CAMK2D: variants seen among roughly 807,000 people sequenced by gnomAD.
CAMK2D encodes calcium/calmodulin dependent protein kinase II delta.
CAMK2D carries 37 observed loss-of-function variants against 84.0 expected under a neutral mutation model. The observed-to-expected ratio is 0.44, with a 90% CI of 0.34 to 0.58. The LOEUF is 0.58. Ranked by LOEUF, CAMK2D falls within the 20% of genes least tolerant of loss-of-function variation. The probability of loss-of-function intolerance (pLI) is 0.02; values close to 1 mark genes in which losing one functional copy is unlikely to be tolerated. For synonymous variants in CAMK2D, 202 were observed against 212.5 expected, an observed-to-expected ratio of 0.95 and a Z score of 0.43; for missense variants, 448 against 652.5, an observed-to-expected ratio of 0.69 and a Z score of 3.41.
At chr4:113,496,033 A>C (rs1279938779) in intron 16 of CAMK2D, among the ~76,000 whole-genome samples, 1 of 152,174 alleles carries the variant, frequency 6.6e-6, no homozygotes, top group African/African-American at 2.4e-5. Flanking sequence ...ATGGGTTATG[A>C]GGCGGAGAGG....
At position 113,502,957 on chromosome 4, in the gene CAMK2D, G is replaced by T. The variant is rs41278053; in HGVS notation, c.1065C>A (p.Ile355=). ...ATACCTTGTTTCCATCAGGGTTGTGGATTACAGTAGTTTGGGGCTCCTGAG... is the reference window on the plus strand; with the variant it reads ...ATACCTTGTTTCCATCAGGGTTGTGTATTACAGTAGTTTGGGGCTCCTGAG... ...TPALEPQTTV[I]HNPDGNKEST... Residue 355 remains isoleucine (I), a synonymous_variant, in exon 15 of 21, where the codon ATC becomes ATA. Transcript: ENST00000511664. 3,081 of 1,608,158 alleles carry T rather than the reference G, an allele frequency of 1.9e-3. 5 individuals are homozygous for T. The highest frequency in any genetic ancestry group is 3.3e-3 in the Admixed American group (197 of 59,988).
chr4:113,523,764 C>T (rs1351433612), intron 8 of CAMK2D, among the ~76,000 whole-genome samples: 1 of 151,446 alleles, frequency 6.6e-6, no homozygotes, highest in Non-Finnish European at 1.5e-5. Flanking sequence ...AGAGCCAGAC[C>T]CTGTCTCGAA....
intron 2 of CAMK2D, among the ~76,000 whole-genome samples, chr4:113,673,090 A>G (rs1405538822): frequency 6.6e-6 from 1 of 152,150 alleles, no homozygotes; most frequent in Non-Finnish European, 1.5e-5. Flanking sequence ...AGACCCCCAG[A>G]GAGGACTACT....
chr4:113,606,336 GGC>G (rs886746377), intron 4 of CAMK2D, among the ~76,000 whole-genome samples: 28 of 152,060 alleles, frequency 1.8e-4, no homozygotes, highest in African/African-American at 6.0e-4. Context: ...CCGGCATGGT[GGC>G]GCGCGCCTGT....
Position 113,454,492 on chromosome 4 carries a change from A to G in CAMK2D, c.*53T>C, listed in dbSNP as rs374084744. 5.6e-5 allele frequency: 44 copies of G among 779,106 alleles called. No homozygotes were observed. In the African/African-American group the frequency reaches 7.1e-4, roughly 13 times the overall value. 48.3% of individuals were successfully genotyped at this position (779,106 alleles called of 1,614,324 possible). A position where few individuals can be genotyped will look rare whatever the true frequency, so the allele number is the denominator to read the frequency against. On this transcript the variant is annotated 3_prime_UTR_variant, in exon 21 of 21. Coordinates refer to ENST00000511664, the MANE Select transcript of CAMK2D (RefSeq NM_001321571.2). ...CAGGTGCCTTGAGAACAGAGAATGC[A>G]GAAGTGGCACTGTTGAAATTTAGCT...
At chr4:113,569,544 A>G (rs10155462) in intron 4 of CAMK2D, among the ~76,000 whole-genome samples, 8,014 of 152,276 alleles carry the variant, frequency 0.053, 604 homozygotes, top group African/African-American at 0.16. Context: ...GTTAATTAAA[A>G]ATGCATTCAA....
chr4:113,515,202 A>G lies in CAMK2D; in HGVS notation c.697-11T>C. The G allele has an allele frequency of 6.3e-7, 1 of 1,575,376 alleles. No homozygotes were observed. Among genetic ancestry groups the G allele is most frequent in the Non-Finnish European group, 8.6e-7 (1 of 1,161,864 alleles). On this transcript the variant is annotated splice_polypyrimidine_tract_variant and intron_variant, in intron 9 of 20. Coordinates refer to ENST00000511664, the MANE Select transcript of CAMK2D (RefSeq NM_001321571.2). ...TTCTGGTGATGGAAACTTCAAAAAT[A>G]TAAATTTATAAAAAGTTTAAAAAAT...
intron 5 of CAMK2D, among the ~76,000 whole-genome samples, chr4:113,550,829 T>A (rs1009515101): frequency 9.2e-5 from 14 of 152,338 alleles, no homozygotes; most frequent in African/African-American, 1.9e-4. Flanking sequence ...CAGAATTTTC[T>A]ATTTGACTTT....
intron 17 of CAMK2D, 120 bp from the exon 18 acceptor site, chr4:113,460,361 C>A (rs1257406684): frequency 2.9e-6 from 2 of 699,426 alleles, no homozygotes; most frequent in East Asian, 2.6e-5. Context: ...AAAACACTTA[C>A]ATACAAAAGT....
At chr4:113,509,139 C>T (rs939768786) in intron 13 of CAMK2D, among the ~76,000 whole-genome samples, 2 of 152,120 alleles carry the variant, frequency 1.3e-5, no homozygotes, top group African/African-American at 4.8e-5. Context: ...ATCTCAACAC[C>T]TTATGACAGA....
At chr4:113,713,840 A>T (rs10003275) in intron 2 of CAMK2D, among the ~76,000 whole-genome samples, 53,397 of 151,032 alleles carry the variant, frequency 0.35, 13,294 homozygotes, top group African/African-American at 0.71. Context: ...TGGCTTACAT[A>T]TTTACATGTA....
chr4:113,521,088 T>C (rs1263947945), intron 8 of CAMK2D, among the ~76,000 whole-genome samples: 1 of 152,234 alleles, frequency 6.6e-6, no homozygotes, highest in Non-Finnish European at 1.5e-5. Context: ...AAGAAAATCT[T>C]GCTCCTTATC....
chr4:113,469,858 T>C (rs2097526045), intron 16 of CAMK2D, among the ~76,000 whole-genome samples: 1 of 152,170 alleles, frequency 6.6e-6, no homozygotes. Flanking sequence ...TGCCTTCCTC[T>C]TCTTTTTGAC....
intron 2 of CAMK2D, among the ~76,000 whole-genome samples, chr4:113,744,761 C>T (rs1215747696): frequency 1.3e-5 from 2 of 152,194 alleles, no homozygotes; most frequent in African/African-American, 2.4e-5. Context: ...AGAGCCACTT[C>T]TTGAATCTTG....
At chr4:113,706,169 A>G (rs563733269) in intron 2 of CAMK2D, among the ~76,000 whole-genome samples, 1 of 152,356 alleles carries the variant, frequency 6.6e-6, no homozygotes, top group Non-Finnish European at 1.5e-5. Flanking sequence ...GCTAACATCT[A>G]TCAAGGACTG....
intron 3 of CAMK2D, among the ~76,000 whole-genome samples, chr4:113,618,153 T>C (rs1245017857): frequency 1.1e-4 from 16 of 152,190 alleles, no homozygotes; most frequent in Non-Finnish European, 5.9e-5. Context: ...TAATTACCAA[T>C]ACAAAGCTGA....
chr4:113,575,512 T>C (rs1045400839), intron 4 of CAMK2D, among the ~76,000 whole-genome samples: 2 of 152,242 alleles, frequency 1.3e-5, no homozygotes, highest in African/African-American at 4.8e-5. Flanking sequence ...TATACAATTC[T>C]GTGTTATGCA....
chr4:113,590,308 G>A (rs576737440), intron 4 of CAMK2D, among the ~76,000 whole-genome samples: 2 of 152,112 alleles, frequency 1.3e-5, no homozygotes, highest in African/African-American at 4.8e-5. Context: ...ATAGTATATT[G>A]GTTTAATTTC....
At chr4:113,682,251 G>C (rs1268710426) in intron 2 of CAMK2D, among the ~76,000 whole-genome samples, 7 of 151,994 alleles carry the variant, frequency 4.6e-5, no homozygotes, top group Non-Finnish European at 1.0e-4. Flanking sequence ...TTAAAAAATT[G>C]CCACATATAA....
Sources: allele counts gnomAD v4.1 joint callset (sites outside exome capture counted in the v4.1 genomes callset), GRCh38; gene constraint gnomAD v4.1.1; transcripts MANE v1.5; gene names NCBI Gene and HGNC (gene_info 2026-07-23, HGNC 2026-07-21).